Variants in KANK4 observed in about 807,000 individuals in gnomAD.
KANK4 encodes the protein KN motif and ankyrin repeat domain-containing protein 4.
In KANK4, 50 loss-of-function variants were observed where a neutral mutation model predicts 80.8. The ratio of observed to expected loss-of-function variants is 0.62; its 90% CI spans 0.49 to 0.78. The LOEUF is 0.78. Among genes scored for constraint, KANK4 ranks in the 30% least tolerant of loss-of-function variants. The pLI is 0.00. For missense variants in KANK4, 1,196 were observed against 1,240.1 expected, an observed-to-expected ratio of 0.96 and a Z score of 0.53; for synonymous variants, 465 against 506.9, an observed-to-expected ratio of 0.92 and a Z score of 1.11.
At position 62,268,398 on chromosome 1, in the gene KANK4, A is replaced by G; in HGVS notation, c.2120T>C (p.Val707Ala). Residue 707 changes from valine to alanine, a missense_variant, in exon 5 of 10, where the codon GTC (valine) becomes GCC (alanine). By Grantham distance (64) the Val-to-Ala change is moderately conservative (BLOSUM62 0). This residue lies in a region of KANK4 where 1,154 missense variants were observed against 1,179.6 expected (regional missense o/e 0.98). Transcript: ENST00000371153. Reference protein sequence around the residue: ...KKCDGPDHKHVKDAHLTCEAG... With the variant: ...KKCDGPDHKHAKDAHLTCEAG... ...CTCGCAGGTGAGATGGGCATCTTTGACATGCTTGTGATCTGGGCCGTCACA... is the reference window on the plus strand; with the variant it reads ...CTCGCAGGTGAGATGGGCATCTTTGGCATGCTTGTGATCTGGGCCGTCACA... 6.2e-7 allele frequency: 1 copy of G among 1,613,934 alleles called. No homozygotes were observed. The highest frequency in any genetic ancestry group is 8.5e-7 in the Non-Finnish European group (1 of 1,179,978).
chr1:62,270,436 C>T (rs992379512), intron 4 of KANK4, among the ~76,000 whole-genome samples: 1 of 151,154 alleles, frequency 6.6e-6, no homozygotes, highest in Non-Finnish European at 1.5e-5. Flanking sequence ...GGATGGAATG[C>T]AGTGGCACAA....
At chr1:62,311,761 G>C (rs1345888015) in intron 1 of KANK4, among the ~76,000 whole-genome samples, 1 of 152,148 alleles carries the variant, frequency 6.6e-6, no homozygotes, top group Non-Finnish European at 1.5e-5. Context: ...AGAATTACCC[G>C]ATGAGTCAGC....
At chr1:62,278,063 T>C (rs1672350409) in intron 2 of KANK4, among the ~76,000 whole-genome samples, 1 of 152,154 alleles carries the variant, frequency 6.6e-6, no homozygotes, top group Non-Finnish European at 1.5e-5. Context: ...GCAACTTGTA[T>C]GCACGCGAAC....
chr1:62,257,945 A>G (rs4494167), intron 7 of KANK4, among the ~76,000 whole-genome samples: 20,866 of 152,140 alleles, frequency 0.14, 1,586 homozygotes, highest in Admixed American at 0.18. Context: ...AGGCTACAAG[A>G]CTGTGAGCTA....
At chr1:62,295,749 G>A (rs945658210) in intron 1 of KANK4, among the ~76,000 whole-genome samples, 2 of 152,168 alleles carry the variant, frequency 1.3e-5, no homozygotes, top group Non-Finnish European at 2.9e-5. Context: ...TGATATTGGA[G>A]GACATGGAAT....
intron 2 of KANK4, among the ~76,000 whole-genome samples, chr1:62,279,481 TG>T (rs1672405490): frequency 6.6e-6 from 1 of 152,182 alleles, no homozygotes; most frequent in Admixed American, 6.5e-5. Context: ...CTGTTCAAAA[TG>T]AAATTCAGAT....
rs1411454087 is a variant in KANK4, at chr1:62,236,565, T to C, written c.*1712A>G. 6.6e-6 allele frequency among the ~76,000 whole-genome samples: 1 copy of C among 151,444 alleles called. No individual in the cohort carries two copies. The highest frequency in any genetic ancestry group is 1.5e-5 in the Non-Finnish European group (1 of 67,960). ...AAAGAAGTTTGCTGTACCATTGCTGTAGATGGCCTTAATGGGTTACAAATT... is the reference window on the plus strand; with the variant it reads ...AAAGAAGTTTGCTGTACCATTGCTGCAGATGGCCTTAATGGGTTACAAATT... On this transcript the variant is annotated 3_prime_UTR_variant, in exon 10 of 10. Coordinates refer to ENST00000371153, the MANE Select transcript of KANK4 (RefSeq NM_181712.5).
chr1:62,263,155 T>C lies in KANK4; in HGVS notation c.2476A>G (p.Thr826Ala), dbSNP rs756219404. 2 of 1,614,006 alleles carry C rather than the reference T, an allele frequency of 1.2e-6. No homozygotes were observed. Among genetic ancestry groups the C allele is most frequent in the East Asian group, 4.5e-5 (2 of 44,886 alleles). The part of the protein sequence containing the change: ...LVNLADHNGN[T>A]ALHYSVSHSN... ...TGGGACACGCTGTAGTGAAGGGCCG[T>C]GTTCCCGTTGTGATCGGCCAAGTTG... The change falls in exon 7 of 10, where the codon ACG (threonine) becomes GCG (alanine). Residue 826 changes from threonine (T) to alanine (A), a missense_variant. Around this residue, in one of 3 missense-constraint regions of KANK4, gnomAD observed 1,154 missense variants for 1,179.6 expected, o/e 0.98. Transcript: ENST00000371153.
chr1:62,245,971 T>A (rs1671455354), intron 9 of KANK4, among the ~76,000 whole-genome samples: 1 of 152,118 alleles, frequency 6.6e-6, no homozygotes, highest in South Asian at 2.1e-4. Flanking sequence ...GTTAAGGGTA[T>A]GGGCCCAGGA....
At chr1:62,272,243 T>C (rs1162035679) in intron 3 of KANK4, 1 of 152,740 alleles carries the variant, frequency 6.5e-6, no homozygotes, top group Non-Finnish European at 1.5e-5. Context: ...GTTTGATCTG[T>C]TACAACAGGA....
In KANK4 at chr1:62,237,768, T is replaced by G. The variant is rs1367627493; in HGVS notation, c.*509A>C. Reference sequence around the variant, plus strand: ...GTTTCACCAGTCTGCACGGTGATTCTTCTAGGGTCCCCTACAGAATGCTTG... The same window carrying G: ...GTTTCACCAGTCTGCACGGTGATTCGTCTAGGGTCCCCTACAGAATGCTTG... On this transcript the variant is annotated 3_prime_UTR_variant, in exon 10 of 10. Transcript: ENST00000371153. 2 of 152,796 alleles carry G rather than the reference T, an allele frequency of 1.3e-5. No homozygotes were observed. The highest frequency in any genetic ancestry group is 2.9e-5 in the Non-Finnish European group (2 of 68,162). The allele number at this position is 152,796 out of a possible 1,614,324, so 9.5% of individuals were successfully genotyped here. A position where few individuals can be genotyped will look rare whatever the true frequency, so the allele number is the denominator to read the frequency against.
chr1:62,282,269 T>G (rs1326332262), intron 1 of KANK4, among the ~76,000 whole-genome samples: 2 of 152,150 alleles, frequency 1.3e-5, no homozygotes, highest in African/African-American at 2.4e-5. Flanking sequence ...TCTGAATTAG[T>G]GTGCCTTGAG....
At chr1:62,306,528 C>T (rs1252657419) in intron 1 of KANK4, among the ~76,000 whole-genome samples, 1 of 151,990 alleles carries the variant, frequency 6.6e-6, no homozygotes, top group Non-Finnish European at 1.5e-5. Context: ...GCTCTAACCA[C>T]CAGTTCTTGA....
intron 2 of KANK4, among the ~76,000 whole-genome samples, chr1:62,279,544 T>A (rs1007948769): frequency 6.6e-6 from 1 of 152,220 alleles, no homozygotes; most frequent in Non-Finnish European, 1.5e-5. Context: ...ATGGCTGTCA[T>A]CTCCCACTTG....
intron 3 of KANK4, 78 bp downstream of exon 3, chr1:62,273,126 A>G (rs1672204109): frequency 9.6e-7 from 1 of 1,043,514 alleles, no homozygotes; most frequent in East Asian, 2.6e-5. Flanking sequence ...AATATAATTG[A>G]AAACCTTGTT....
intron 7 of KANK4, among the ~76,000 whole-genome samples, chr1:62,254,292 G>C (rs932529410): frequency 6.6e-6 from 1 of 152,146 alleles, no homozygotes; most frequent in Admixed American, 6.6e-5. Context: ...TGTCACCCAG[G>C]CTGGAGTGCA....
In KANK4 at chr1:62,236,602, T is replaced by C. The variant is rs2149108832; in HGVS notation, c.*1675A>G. Among the ~76,000 whole-genome samples the C allele has an allele frequency of 6.6e-6, 1 of 150,514 alleles. No homozygotes were observed. The highest frequency in any genetic ancestry group is 1.9e-4 in the East Asian group (1 of 5,132). On this transcript the variant is annotated 3_prime_UTR_variant, in exon 10 of 10. Coordinates refer to ENST00000371153, the MANE Select transcript of KANK4 (RefSeq NM_181712.5). ...ATGGGTTACAAATTGGATTTTTTTT[T>C]TTTTTTTTTTTGAGACAGAGTTTTG...
intron 9 of KANK4, among the ~76,000 whole-genome samples, chr1:62,245,273 C>A (rs745966852): frequency 6.6e-6 from 1 of 152,212 alleles, no homozygotes; most frequent in Non-Finnish European, 1.5e-5. Flanking sequence ...AGTAGCCCAC[C>A]CCTGTTCCCA....
At chr1:62,289,314 G>A (rs1672632908) in intron 1 of KANK4, among the ~76,000 whole-genome samples, 1 of 152,174 alleles carries the variant, frequency 6.6e-6, no homozygotes, top group South Asian at 2.1e-4. Flanking sequence ...GACCATCAGA[G>A]CCAAGATTTG....
Sources: allele counts gnomAD v4.1 joint callset (sites outside exome capture counted in the v4.1 genomes callset), GRCh38; gene constraint gnomAD v4.1.1; regional missense constraint gnomAD v4.1.1; transcripts MANE v1.5; gene names NCBI Gene and HGNC (gene_info 2026-07-23, HGNC 2026-07-21).